PDZD2: variants seen among roughly 807,000 people sequenced by gnomAD.
PDZD2 encodes the protein PDZ domain containing 2, also known as PDZ domain-containing protein 2.
PDZD2 carries 90 observed loss-of-function variants against 220.7 expected under a neutral mutation model. That is an observed-to-expected ratio of 0.41 (90% confidence interval 0.34 to 0.49). The LOEUF (loss-of-function observed/expected upper bound fraction) is 0.49. Ranked by LOEUF, PDZD2 falls within the 20% of genes least tolerant of loss-of-function variation. The pLI is 0.28. For missense variants in PDZD2, 3,174 were observed against 3,608.5 expected (o/e 0.88, Z 3.08); for synonymous variants, 1,375 against 1,450.5 (o/e 0.95, Z 1.18).
intron 1 of PDZD2, among the ~76,000 whole-genome samples, chr5:31,753,855 C>G (rs1484441829): frequency 2.0e-5 from 3 of 152,204 alleles, no homozygotes; most frequent in Non-Finnish European, 2.9e-5. Context: ...GATAAATAAA[C>G]TTATTTCAAA....
intron 1 of PDZD2, among the ~76,000 whole-genome samples, chr5:31,791,319 A>G (rs985114056): frequency 6.6e-6 from 1 of 151,994 alleles, no homozygotes; most frequent in Non-Finnish European, 1.5e-5. Context: ...GGCCAGGCGC[A>G]GTGGCTCACG....
chr5:31,790,950 G>A (rs1056093309), intron 1 of PDZD2, among the ~76,000 whole-genome samples: 6 of 151,506 alleles, frequency 4.0e-5, no homozygotes, highest in Non-Finnish European at 8.8e-5. Flanking sequence ...CGCCCGCGTC[G>A]GCCTCCCAAA....
intron 1 of PDZD2, among the ~76,000 whole-genome samples, chr5:31,654,331 G>C (rs1024531883): frequency 3.3e-5 from 5 of 151,998 alleles, no homozygotes; most frequent in Non-Finnish European, 7.4e-5. Flanking sequence ...TCCTGGTGCC[G>C]CAGGAGCATT....
intron 2 of PDZD2, among the ~76,000 whole-genome samples, chr5:31,916,008 A>G (rs915843081): frequency 6.6e-6 from 1 of 152,190 alleles, no homozygotes; most frequent in Admixed American, 6.5e-5. Context: ...TAGGGGCCCC[A>G]TATGTGTTCC....
chr5:32,021,358 G>A (rs1336557932), intron 6 of PDZD2, among the ~76,000 whole-genome samples: 3 of 151,912 alleles, frequency 2.0e-5, no homozygotes, highest in Middle Eastern at 3.4e-3. Flanking sequence ...TCTGCCTCCC[G>A]GGTTTAAGCA....
chr5:32,089,561 C>T lies in PDZD2; in HGVS notation c.6113C>T (p.Pro2038Leu), dbSNP rs371564569. 400 of 1,612,170 alleles carry T rather than the reference C, an allele frequency of 2.5e-4. 3 individuals carry two copies. The South Asian group carries it at 4.0e-3, about 16-fold the overall frequency. Residue 2038 changes from proline (P) to leucine (L), a missense_variant, in exon 20 of 25, where the codon CCG (proline) becomes CTG (leucine). This residue lies in a region of PDZD2 where 1,861 missense variants were observed against 2,001.0 expected (regional missense o/e 0.93). Transcript: ENST00000438447. ...CGTGCTGACTCCGGGCCGGTGAGTC[C>T]GGCAGCGTCTAGGAACGGCATGTCC... ...APRADSGPVS[P>L]AASRNGMSVA...
intron 2 of PDZD2, among the ~76,000 whole-genome samples, chr5:31,918,380 C>T (rs1743869098): frequency 6.6e-6 from 1 of 152,120 alleles, no homozygotes; most frequent in Non-Finnish European, 1.5e-5. Context: ...GACACAGAAC[C>T]AACTAGGGTG....
chr5:32,005,871 G>A (rs1171383591), intron 5 of PDZD2, among the ~76,000 whole-genome samples: 3 of 152,174 alleles, frequency 2.0e-5, no homozygotes, highest in Admixed American at 2.0e-4. Context: ...CAAGGGGGCA[G>A]GTGCAGTGGC....
At chr5:31,865,727 G>A (rs1307245352) in intron 2 of PDZD2, among the ~76,000 whole-genome samples, 4 of 130,824 alleles carry the variant, frequency 3.1e-5, no homozygotes, top group African/African-American at 5.8e-5. Context: ...TCCGCCTCCC[G>A]GGTGCCCCAT....
At chr5:31,779,165 C>A (rs1752905708) in intron 1 of PDZD2, among the ~76,000 whole-genome samples, 1 of 152,048 alleles carries the variant, frequency 6.6e-6, no homozygotes, top group Admixed American at 6.6e-5. Flanking sequence ...AACTCCCAGC[C>A]CCACCACTGC....
At chr5:32,093,121 G>A (rs1435322283) in intron 21 of PDZD2, 97 bp downstream of exon 21, 7 of 681,068 alleles carry the variant, frequency 1.0e-5, no homozygotes, top group East Asian at 5.4e-5. Flanking sequence ...AGCCCGCCCC[G>A]AGTCCTGGAG....
chr5:31,989,694 G>C (rs1751060834), intron 3 of PDZD2, among the ~76,000 whole-genome samples: 1 of 152,158 alleles, frequency 6.6e-6, no homozygotes. Context: ...AAAGTGCCGG[G>C]ATTACAGGCA....
intron 5 of PDZD2, among the ~76,000 whole-genome samples, chr5:32,008,018 G>A (rs995603121): frequency 3.9e-5 from 6 of 152,166 alleles, no homozygotes; most frequent in South Asian, 2.1e-4. Context: ...GGCCGGGCGC[G>A]GTCCCTCATG....
At chr5:31,688,125 A>G (rs1746948462) in intron 1 of PDZD2, among the ~76,000 whole-genome samples, 1 of 152,214 alleles carries the variant, frequency 6.6e-6, no homozygotes, top group African/African-American at 2.4e-5. Context: ...CTCGCAAATA[A>G]ATTAATATCT....
intron 19 of PDZD2, among the ~76,000 whole-genome samples, chr5:32,081,469 GCA>G (rs1297137043): frequency 6.6e-6 from 1 of 152,182 alleles, no homozygotes; most frequent in Non-Finnish European, 1.5e-5. Flanking sequence ...TGATCGAGTT[GCA>G]GTGACACACT....
At chr5:31,907,866 C>T (rs566898729) in intron 2 of PDZD2, among the ~76,000 whole-genome samples, 27 of 152,072 alleles carry the variant, frequency 1.8e-4, no homozygotes, top group African/African-American at 6.0e-4. Flanking sequence ...GGGCAGATTA[C>T]GAAGTCAGGA....
intron 2 of PDZD2, among the ~76,000 whole-genome samples, chr5:31,903,329 A>G (rs1742280802): frequency 6.6e-6 from 1 of 151,854 alleles, no homozygotes; most frequent in African/African-American, 2.4e-5. Context: ...ATAAAAAAAT[A>G]TTATTATGTA....
rs1317703683 is a variant in PDZD2 at position 32,088,393 on chromosome 5, G to A, written c.4945G>A (p.Ala1649Thr). The A allele has an allele frequency of 6.2e-7, 1 of 1,613,942 alleles. No homozygotes were observed. The highest frequency in any genetic ancestry group is 1.1e-5 in the South Asian group (1 of 91,054). ...GTCGGTGGCCAGTCCCCGTGAGAAGGCCGCCTGCTTGCCAGGCTCATACAC... is the reference window on the plus strand; with the variant it reads ...GTCGGTGGCCAGTCCCCGTGAGAAGACCGCCTGCTTGCCAGGCTCATACAC... ...RESVASPREK[A>T]ACLPGSYTSG... Residue 1649 changes from alanine (A) to threonine (T), a missense_variant, in exon 20 of 25, where the codon GCC (alanine) becomes ACC (threonine). Around this residue, in one of 4 missense-constraint regions of PDZD2, gnomAD observed 1,861 missense variants for 2,001.0 expected, o/e 0.93. Transcript: ENST00000438447. This position sits in a 1 kb window ranked among gnomAD's most constrained non-coding sequence, Gnocchi z 4.6.
chr5:31,885,832 A>G (rs1051347275), intron 2 of PDZD2, among the ~76,000 whole-genome samples: 1 of 152,226 alleles, frequency 6.6e-6, no homozygotes, highest in East Asian at 1.9e-4. Flanking sequence ...ATCTTGGGAA[A>G]AGAGAGTAGA....
Sources: allele counts gnomAD v4.1 joint callset (sites outside exome capture counted in the v4.1 genomes callset), GRCh38; gene constraint gnomAD v4.1.1; regional missense constraint gnomAD v4.1.1; non-coding constraint Gnocchi (gnomAD v3.1); transcripts MANE v1.5; gene names NCBI Gene and HGNC (gene_info 2026-07-23, HGNC 2026-07-21).